TMTC1: variants seen among roughly 807,000 people sequenced by gnomAD.
The protein encoded by TMTC1 is transmembrane O-mannosyltransferase targeting cadherins 1, also known as protein O-mannosyl-transferase TMTC1.
Under a neutral mutation model 104.8 loss-of-function variants are expected in TMTC1, and 73 were observed. That is an observed-to-expected ratio of 0.70 (90% CI 0.58 to 0.85). The LOEUF (loss-of-function observed/expected upper bound fraction) is 0.85. TMTC1 is among the 40% of genes least tolerant of loss of function. The probability of loss-of-function intolerance (pLI) is 0.00; values close to 1 mark genes in which losing one functional copy is unlikely to be tolerated. For missense variants in TMTC1, 1,035 were observed against 1,096.1 expected (o/e 0.94, Z 0.79); for synonymous variants, 434 against 428.7 (o/e 1.01, Z -0.15).
At chr12:29,672,812 G>A (rs185913163) in intron 5 of TMTC1, among the ~76,000 whole-genome samples, 1 of 152,258 alleles carries the variant, frequency 6.6e-6, no homozygotes, top group East Asian at 1.9e-4. Context: ...TAGATCACTT[G>A]GCTGCACTGC....
At chr12:29,574,006 G>A (rs374465949) in intron 8 of TMTC1, among the ~76,000 whole-genome samples, 52 of 152,138 alleles carry the variant, frequency 3.4e-4, no homozygotes, top group African/African-American at 1.1e-3. Flanking sequence ...GAAGTGGAAA[G>A]GGAGGGGATG....
chr12:29,696,948 T>G (rs560244785), intron 5 of TMTC1, among the ~76,000 whole-genome samples: 1 of 152,268 alleles, frequency 6.6e-6, no homozygotes, highest in East Asian at 1.9e-4. Context: ...TATAAAATAT[T>G]TTGAAAACCA....
chr12:29,619,988 T>C (rs1425650102), intron 6 of TMTC1, among the ~76,000 whole-genome samples: 1 of 152,176 alleles, frequency 6.6e-6, no homozygotes, highest in Admixed American at 6.5e-5. Context: ...GCAATAGTAA[T>C]ATCAAACATA....
intron 5 of TMTC1, among the ~76,000 whole-genome samples, chr12:29,689,717 G>A (rs1170275526): frequency 6.6e-6 from 1 of 152,136 alleles, no homozygotes; most frequent in Non-Finnish European, 1.5e-5. Flanking sequence ...TAATAACAAT[G>A]GCTTTGTGGG....
At chr12:29,541,379 T>C (rs1234332172) in intron 10 of TMTC1, among the ~76,000 whole-genome samples, 1 of 152,206 alleles carries the variant, frequency 6.6e-6, no homozygotes, top group Non-Finnish European at 1.5e-5. Context: ...CTAGCTGTGT[T>C]TCCTTAGGCA....
At chr12:29,547,560 G>A (rs1180449048) in intron 10 of TMTC1, among the ~76,000 whole-genome samples, 1 of 152,166 alleles carries the variant, frequency 6.6e-6, no homozygotes, top group Non-Finnish European at 1.5e-5. Flanking sequence ...AAATGTAAAT[G>A]AAACCACATT....
intron 10 of TMTC1, among the ~76,000 whole-genome samples, chr12:29,545,183 G>GC (rs1283699715): frequency 1.3e-5 from 2 of 151,766 alleles, no homozygotes; most frequent in East Asian, 3.9e-4. Flanking sequence ...CTATTACAAT[G>GC]CAAGTACTTC....
intron 11 of TMTC1, chr12:29,532,888 A>C (rs1286718887): frequency 2.6e-5 from 4 of 152,028 alleles, no homozygotes; most frequent in African/African-American, 4.8e-5. Flanking sequence ...AGGGGTTCTG[A>C]CCTGGAGTTC....
intron 10 of TMTC1, among the ~76,000 whole-genome samples, chr12:29,550,920 T>G (rs1341114850): frequency 1.1e-3 from 90 of 82,800 alleles, no homozygotes; most frequent in Admixed American, 2.2e-3. Flanking sequence ...GGGGAGAGAG[T>G]GGGACTCCAT....
At chr12:29,636,162 G>A (rs1332996494) in intron 5 of TMTC1, among the ~76,000 whole-genome samples, 4 of 152,172 alleles carry the variant, frequency 2.6e-5, no homozygotes, top group African/African-American at 9.7e-5. Flanking sequence ...TGACGAAGAG[G>A]AAGGGAAAGA....
At position 29,582,397 on chromosome 12, in the gene TMTC1, G is replaced by A. The variant is rs36093094; in HGVS notation, c.1418+1010C>T. 4.6e-3 allele frequency among the ~76,000 whole-genome samples: 697 copies of A among 152,262 alleles called. 2 individuals are homozygous for A. Among genetic ancestry groups the A allele is most frequent in the South Asian group, 0.012 (56 of 4,828 alleles). ...CCATGGAACTCAGAGGAGGCTTCTT[G>A]GTCAGATCAGTCCTCTCAGTGCCTT... is the stretch of plus-strand genomic sequence containing the variant. On this transcript the variant is annotated intron_variant, in intron 8 of 17. Coordinates refer to ENST00000539277, the MANE Select transcript of TMTC1 (RefSeq NM_001193451.2).
chr12:29,703,306 C>T lies in TMTC1; in HGVS notation c.938+48360G>A, dbSNP rs554270659. ...ACAGTGCTTTACTCCCATGTATCAACCTAGAAAATCTTCTTCAAAAGGAAA... is the reference window on the plus strand; with the variant it reads ...ACAGTGCTTTACTCCCATGTATCAATCTAGAAAATCTTCTTCAAAAGGAAA... On this transcript the variant is annotated intron_variant, in intron 5 of 17. Transcript: ENST00000539277. Among the ~76,000 whole-genome samples the T allele has an allele frequency of 5.3e-5, 8 of 152,186 alleles. No homozygotes were observed. In the South Asian group the frequency reaches 1.5e-3, roughly 28 times the overall value.
At chr12:29,679,852 T>C (rs1479355677) in intron 5 of TMTC1, among the ~76,000 whole-genome samples, 1 of 152,102 alleles carries the variant, frequency 6.6e-6, no homozygotes, top group African/African-American at 2.4e-5. Flanking sequence ...AGAAGCAGTG[T>C]TTACATTATT....
chr12:29,777,611 T>C (rs892402024), intron 1 of TMTC1, among the ~76,000 whole-genome samples: 8 of 93,776 alleles, frequency 8.5e-5, no homozygotes, highest in African/African-American at 2.7e-4. Context: ...TACCAGACTG[T>C]AGTCTATAAA....
chr12:29,513,749 C>T (rs142454804), intron 16 of TMTC1, among the ~76,000 whole-genome samples: 1 of 152,164 alleles, frequency 6.6e-6, no homozygotes, highest in African/African-American at 2.4e-5. Context: ...ATTCCAAAAC[C>T]ATAGATACTG....
At chr12:29,746,868 A>G (rs1172078064) in intron 5 of TMTC1, among the ~76,000 whole-genome samples, 1 of 152,180 alleles carries the variant, frequency 6.6e-6, no homozygotes, top group Non-Finnish European at 1.5e-5. Context: ...TAGAAATATC[A>G]TGATCATCAT....
At chr12:29,657,834 G>C (rs137918577) in intron 5 of TMTC1, among the ~76,000 whole-genome samples, 1 of 152,100 alleles carries the variant, frequency 6.6e-6, no homozygotes, top group African/African-American at 2.4e-5. Flanking sequence ...GGCTGGGCAC[G>C]GTGGTTCACA....
At chr12:29,656,339 T>TACAC (rs1555182980) in intron 5 of TMTC1, among the ~76,000 whole-genome samples, 4 of 146,936 alleles carry the variant, frequency 2.7e-5, no homozygotes, top group African/African-American at 1.0e-4. Context: ...TATATATATA[T>TACAC]ACACACATAC....
At chr12:29,528,262 A>C (rs1326718304) in intron 11 of TMTC1, among the ~76,000 whole-genome samples, 1 of 152,194 alleles carries the variant, frequency 6.6e-6, no homozygotes, top group Non-Finnish European at 1.5e-5. Context: ...TGTAAGTTCC[A>C]GAGGAAATGA....
Sources: allele counts gnomAD v4.1 joint callset (sites outside exome capture counted in the v4.1 genomes callset), GRCh38; gene constraint gnomAD v4.1.1; transcripts MANE v1.5; gene names NCBI Gene and HGNC (gene_info 2026-07-23, HGNC 2026-07-21).